The following PDE8B variants were observed in gnomAD, a reference collection of about 807,000 sequenced individuals.
The protein encoded by PDE8B is phosphodiesterase 8B, also known as high affinity cAMP-specific and IBMX-insensitive 3',5'-cyclic phosphodiesterase 8B.
A neutral mutation model predicts 101.3 loss-of-function variants in PDE8B; 26 were observed. The ratio of observed to expected loss-of-function variants is 0.26; its 90% CI spans 0.19 to 0.36. The LOEUF is 0.36. PDE8B is among the 10% of genes least tolerant of loss of function. The probability of loss-of-function intolerance (pLI) is 1.00; values close to 1 mark genes in which losing one functional copy is unlikely to be tolerated. For synonymous variants in PDE8B, 424 were observed against 429.3 expected (o/e 0.99, Z 0.15); for missense variants, 810 against 1,163.1 (o/e 0.70, Z 4.42).
intron 1 of PDE8B, among the ~76,000 whole-genome samples, chr5:77,224,963 C>CT (rs1454491813): frequency 8.0e-5 from 12 of 149,662 alleles, no homozygotes; most frequent in East Asian, 3.9e-4. Context: ...GGTTTATTTA[C>CT]TTTTTTTTTT....
In PDE8B at chr5:77,219,360, C is replaced by T. The variant is rs368806159; in HGVS notation, c.339+8096C>T. 1.8e-4 allele frequency among the ~76,000 whole-genome samples: 28 copies of T among 152,262 alleles called. No individual in the cohort carries two copies. In the East Asian group the frequency reaches 4.1e-3, roughly 22 times the overall value. On this transcript the variant is annotated intron_variant, in intron 1 of 21. Coordinates refer to ENST00000264917, the MANE Select transcript of PDE8B (RefSeq NM_003719.5). ...TGATTAGCTCCAGGGACCCAGTTGC[C>T]TGTGTGAGTCATAAAACTGAGATAA...
At chr5:77,347,588 A>T (rs939534413) in intron 7 of PDE8B, among the ~76,000 whole-genome samples, 3 of 152,360 alleles carry the variant, frequency 2.0e-5, no homozygotes, top group African/African-American at 7.2e-5. Context: ...TCCAAAGATC[A>T]ATTCAAAATA....
chr5:77,427,796 A>T lies in PDE8B; in HGVS notation c.*1242A>T, dbSNP rs1478264466. 6.6e-6 allele frequency: 1 copy of T among 152,144 alleles called. No individual in the cohort carries two copies. The highest frequency in any genetic ancestry group is 1.9e-4 in the East Asian group (1 of 5,192). 9.4% of individuals were successfully genotyped at this position (152,144 alleles called of 1,614,324 possible). ...TCTCTTTTACCAGCTGATCCTTCCT[A>T]TGTATTATAAATATTAGACTCCGTA... is the stretch of plus-strand genomic sequence containing the variant. On this transcript the variant is annotated 3_prime_UTR_variant, in exon 22 of 22. Transcript: ENST00000264917.
chr5:77,325,169 ATTGTTTTGGCT>A (rs1205700452), intron 2 of PDE8B, among the ~76,000 whole-genome samples: 1 of 56,828 alleles, frequency 1.8e-5, no homozygotes, highest in Non-Finnish European at 3.3e-5. Flanking sequence ...TTTTGGGGGG[ATTGTTTTGGCT>A]TTGTTTTAGA....
At chr5:77,348,417 C>A (rs116497244) in intron 7 of PDE8B, among the ~76,000 whole-genome samples, 2,229 of 152,236 alleles carry the variant, frequency 0.015, 57 homozygotes, top group African/African-American at 0.051. Flanking sequence ...GGACCCCAGG[C>A]AGAATTTTGA....
At chr5:77,384,517 G>A (rs1484374345) in intron 10 of PDE8B, among the ~76,000 whole-genome samples, 2 of 152,164 alleles carry the variant, frequency 1.3e-5, no homozygotes, top group Non-Finnish European at 2.9e-5. Flanking sequence ...ATGTTGAATA[G>A]GCGTGGTGAG....
At chr5:77,200,442 G>A in the PDE8B span, among the ~76,000 whole-genome samples, 1 of 152,106 alleles carries the variant, frequency 6.6e-6, no homozygotes, top group Non-Finnish European at 1.5e-5. Context: ...AAAGGTAAAG[G>A]GGACTATTGA....
At chr5:77,260,574 T>C (rs1760330974) in intron 1 of PDE8B, among the ~76,000 whole-genome samples, 1 of 150,274 alleles carries the variant, frequency 6.7e-6, no homozygotes, top group South Asian at 2.1e-4. Flanking sequence ...TAATTTTCAC[T>C]GTGGCTCATT....
chr5:77,401,570 G>GTATTAAATAATCTAACTTAAAA (rs1457611156), intron 11 of PDE8B, among the ~76,000 whole-genome samples: 2 of 152,164 alleles, frequency 1.3e-5, no homozygotes, highest in African/African-American at 2.4e-5. Context: ...ATAGCCCTAT[G>GTATTAAATAATCTAACTTAAAA]TAGTTTTGAG....
chr5:77,370,090 T>G (rs1784824689), intron 10 of PDE8B, among the ~76,000 whole-genome samples: 2 of 152,222 alleles, frequency 1.3e-5, no homozygotes, highest in Non-Finnish European at 2.9e-5. Context: ...AAATTTCATC[T>G]ATTAGTACTT....
At chr5:77,342,915 T>C (rs1360646854) in intron 6 of PDE8B, among the ~76,000 whole-genome samples, 1 of 152,206 alleles carries the variant, frequency 6.6e-6, no homozygotes, top group Non-Finnish European at 1.5e-5. Context: ...AATGTTTTTG[T>C]GTCTGTTGCA....
chr5:77,384,992 T>C (rs1157271219), intron 10 of PDE8B, among the ~76,000 whole-genome samples: 1 of 152,224 alleles, frequency 6.6e-6, no homozygotes, highest in Admixed American at 6.5e-5. Context: ...CCTCATAAAA[T>C]GAGTTAGGGA....
the PDE8B span, among the ~76,000 whole-genome samples, chr5:77,184,550 T>G: frequency 6.6e-6 from 1 of 152,238 alleles, no homozygotes; most frequent in African/African-American, 2.4e-5. Flanking sequence ...CAACTTAGTA[T>G]GATTTTATCT....
the PDE8B span, chr5:77,111,872 C>G: frequency 6.6e-6 from 1 of 152,082 alleles, no homozygotes; most frequent in Non-Finnish European, 1.5e-5. Context: ...TGGGTCCTCT[C>G]TAATAGGCTA....
the PDE8B span, among the ~76,000 whole-genome samples, chr5:77,168,229 G>A: frequency 2.6e-5 from 4 of 152,222 alleles, no homozygotes; most frequent in East Asian, 7.7e-4. Flanking sequence ...ACAGGGCAAA[G>A]GAGTAACACT....
chr5:77,416,669 C>T (rs530119511), intron 17 of PDE8B, among the ~76,000 whole-genome samples: 29 of 152,324 alleles, frequency 1.9e-4, no homozygotes, highest in Non-Finnish European at 3.7e-4. Flanking sequence ...AAATGACTCC[C>T]TTCTGGTGGA....
intron 10 of PDE8B, among the ~76,000 whole-genome samples, chr5:77,374,253 A>G (rs1209795613): frequency 1.3e-5 from 2 of 151,882 alleles, no homozygotes; most frequent in East Asian, 3.9e-4. Context: ...CTTACTTTCA[A>G]TCTGTGTCTA....
In PDE8B at chr5:77,291,356, AG is replaced by A. The variant is rs941608726; in HGVS notation, c.340-20636del. 3 of 1,612,082 alleles carry A rather than the reference AG, an allele frequency of 1.9e-6. No homozygotes were observed. In the African/African-American group the frequency reaches 4.0e-5, roughly 22 times the overall value. On this transcript the variant is annotated intron_variant, in intron 1 of 21. Transcript: ENST00000264917. ...GAGCAGCGGAAGAAGCAAAGAAAGA[AG>A]GTAGCACAGTGGTCTATGGGGGCAA...
At chr5:77,162,378 A>G in the PDE8B span, among the ~76,000 whole-genome samples, 1 of 152,138 alleles carries the variant, frequency 6.6e-6, no homozygotes, top group South Asian at 2.1e-4. Context: ...ACCAATCCCA[A>G]TCGAAACCTC....
Sources: gnomAD v4.1 joint callset for allele counts (sites outside exome capture counted in the v4.1 genomes callset) on GRCh38, gnomAD v4.1.1 for gene constraint, MANE v1.5 for transcripts, NCBI Gene and HGNC (gene_info 2026-07-23, HGNC 2026-07-21) for gene names.